Variants in MECOM observed in about 807,000 individuals in gnomAD.
The protein encoded by MECOM is MDS1 and EVI1 complex locus.
Under a neutral mutation model 116.3 loss-of-function variants are expected in MECOM, and 13 were observed. The observed-to-expected ratio is 0.11, with a 90% CI of 0.07 to 0.18. The LOEUF (loss-of-function observed/expected upper bound fraction) is 0.18. Ranked by LOEUF, MECOM falls within the 10% of genes least tolerant of loss-of-function variation. The pLI, the probability that MECOM is intolerant of heterozygous loss-of-function variation, is 1.00. For synonymous variants in MECOM, 528 were observed against 535.2 expected (o/e 0.99, Z 0.19); for missense variants, 1,299 against 1,509.0 (o/e 0.86, Z 2.31).
chr3:169,368,752 C>G (rs1394147780), intron 2 of MECOM, among the ~76,000 whole-genome samples: 1 of 151,964 alleles, frequency 6.6e-6, no homozygotes, highest in Non-Finnish European at 1.5e-5. Context: ...CCTATAATTG[C>G]CAAATCCTAG....
chr3:169,245,237 C>A (rs1222308077), intron 2 of MECOM, among the ~76,000 whole-genome samples: 1 of 151,876 alleles, frequency 6.6e-6, no homozygotes, highest in Non-Finnish European at 1.5e-5. Context: ...ATAGAAGTAT[C>A]AATAATGAAA....
chr3:169,242,538 T>TG (rs1329108860), intron 2 of MECOM, among the ~76,000 whole-genome samples: 1 of 152,124 alleles, frequency 6.6e-6, no homozygotes, highest in Non-Finnish European at 1.5e-5. Context: ...GTGCTCCTGA[T>TG]GCGGGCGATC....
At chr3:169,214,290 T>G (rs995647082) in intron 2 of MECOM, among the ~76,000 whole-genome samples, 1 of 152,086 alleles carries the variant, frequency 6.6e-6, no homozygotes, top group Non-Finnish European at 1.5e-5. Flanking sequence ...AGAACTAAAC[T>G]AAACATAGTG....
intron 1 of MECOM, among the ~76,000 whole-genome samples, chr3:169,507,809 C>T (rs1274658445): frequency 2.0e-5 from 3 of 148,946 alleles, no homozygotes; most frequent in African/African-American, 2.5e-5. Flanking sequence ...CCACAGGCAC[C>T]GCCACCACGC....
At chr3:169,609,081 T>C (rs905083742) in intron 1 of MECOM, among the ~76,000 whole-genome samples, 1 of 151,850 alleles carries the variant, frequency 6.6e-6, no homozygotes, top group Non-Finnish European at 1.5e-5. Context: ...CACAGGAATC[T>C]CTGCAGACAT....
chr3:169,144,396 G>T (rs566299148), intron 2 of MECOM, among the ~76,000 whole-genome samples: 1 of 151,940 alleles, frequency 6.6e-6, no homozygotes, highest in Non-Finnish European at 1.5e-5. Flanking sequence ...TAATGAATTC[G>T]GAAACACTCA....
At chr3:169,154,505 T>C (rs1208102262) in intron 2 of MECOM, among the ~76,000 whole-genome samples, 2 of 152,178 alleles carry the variant, frequency 1.3e-5, no homozygotes, top group Non-Finnish European at 1.5e-5. Flanking sequence ...ACCTCTAGTC[T>C]GAATTATTGC....
chr3:169,224,104 G>A (rs1191016684), intron 2 of MECOM, among the ~76,000 whole-genome samples: 3 of 152,118 alleles, frequency 2.0e-5, no homozygotes, highest in Non-Finnish European at 4.4e-5. Context: ...ATATGGTGTG[G>A]TATCGATACT....
intron 14 of MECOM, among the ~76,000 whole-genome samples, chr3:169,091,636 C>T (rs1054672861): frequency 2.0e-5 from 3 of 151,256 alleles, no homozygotes; most frequent in Admixed American, 6.6e-5. Context: ...GACAGACACG[C>T]ACACACACAC....
intron 2 of MECOM, among the ~76,000 whole-genome samples, chr3:169,379,462 A>G (rs1453715708): frequency 6.6e-6 from 1 of 152,164 alleles, no homozygotes; most frequent in Non-Finnish European, 1.5e-5. Flanking sequence ...CAGTTTTGAC[A>G]TAATGAAAAA....
intron 1 of MECOM, among the ~76,000 whole-genome samples, chr3:169,604,747 G>A (rs1417874392): frequency 6.6e-6 from 1 of 152,196 alleles, no homozygotes; most frequent in Non-Finnish European, 1.5e-5. Context: ...AGAGGGACTT[G>A]CAGGGCATCC....
chr3:169,211,456 T>C (rs529055457), intron 2 of MECOM, among the ~76,000 whole-genome samples: 1 of 152,302 alleles, frequency 6.6e-6, no homozygotes, highest in African/African-American at 2.4e-5. Context: ...GATCTCCTCA[T>C]TCTTCTGTGG....
At chr3:169,575,647 T>A (rs1385895785) in intron 1 of MECOM, among the ~76,000 whole-genome samples, 2 of 152,138 alleles carry the variant, frequency 1.3e-5, no homozygotes, top group African/African-American at 4.8e-5. Context: ...GGCAGAGAAC[T>A]GATATTCTGG....
intron 1 of MECOM, among the ~76,000 whole-genome samples, chr3:169,425,116 T>C (rs1053229890): frequency 1.4e-5 from 2 of 145,310 alleles, no homozygotes; most frequent in African/African-American, 2.6e-5. Context: ...CCCACTTGCA[T>C]GTGCCTCAGA....
chr3:169,314,589 G>A (rs1446478441), intron 2 of MECOM, among the ~76,000 whole-genome samples: 2 of 152,086 alleles, frequency 1.3e-5, no homozygotes, highest in African/African-American at 4.8e-5. Context: ...GAAGAAATAA[G>A]AAGAGAATGA....
At chr3:169,086,669 G>A (rs958575262) in intron 16 of MECOM, 23 of 664,878 alleles carry the variant, frequency 3.5e-5, no homozygotes, top group African/African-American at 2.3e-4. Context: ...GCCTGACTGA[G>A]GTAATACATA....
At chr3:169,539,576 G>A (rs1425447850) in intron 1 of MECOM, among the ~76,000 whole-genome samples, 1 of 152,092 alleles carries the variant, frequency 6.6e-6, no homozygotes, top group African/African-American at 2.4e-5. Context: ...CAAGAACTTT[G>A]TACCCTAAAT....
At chr3:169,565,946 G>T (rs1316317084) in intron 1 of MECOM, 1 of 445,636 alleles carries the variant, frequency 2.2e-6, no homozygotes, top group African/African-American at 2.0e-5. Context: ...AATTTATAAA[G>T]AAAAAAGGTT....
intron 2 of MECOM, among the ~76,000 whole-genome samples, chr3:169,325,331 T>C (rs1285737578): frequency 6.6e-6 from 1 of 152,172 alleles, no homozygotes; most frequent in Non-Finnish European, 1.5e-5. Flanking sequence ...TTTGCAAGTG[T>C]TTCTATCTGT....
Sources: allele counts gnomAD v4.1 joint callset (sites outside exome capture counted in the v4.1 genomes callset), GRCh38; gene constraint gnomAD v4.1.1; transcripts MANE v1.5; gene names NCBI Gene and HGNC (gene_info 2026-07-23, HGNC 2026-07-21).